Variants in SMC5 observed in about 807,000 individuals in gnomAD.
SMC5 encodes the protein structural maintenance of chromosomes protein 5.
SMC5 carries 88 observed loss-of-function variants against 148.3 expected under a neutral mutation model. The observed-to-expected ratio is 0.59, with a 90% CI of 0.50 to 0.71. The LOEUF is 0.71. Ranked by LOEUF, SMC5 falls within the 30% of genes least tolerant of loss-of-function variation. The probability of loss-of-function intolerance (pLI) is 0.00; values close to 1 mark genes in which losing one functional copy is unlikely to be tolerated. For synonymous variants in SMC5, 421 were observed against 432.8 expected (o/e 0.97, Z 0.34); for missense variants, 1,142 against 1,298.9 (o/e 0.88, Z 1.86).
chr9:70,313,688 C>T lies in SMC5; in HGVS notation c.1579-1054C>T, dbSNP rs546362322. 2.2e-4 allele frequency among the ~76,000 whole-genome samples: 33 copies of T among 152,142 alleles called. No individual in the cohort carries two copies. In the South Asian group the frequency reaches 4.8e-3, roughly 22 times the overall value. On this transcript the variant is annotated intron_variant, in intron 11 of 24. Transcript: ENST00000361138. ...AATTTTTTTGTATTTTTAGTAGAGACGGGCTTTCACCATGTTGGTCGGGCT... is the reference window on the plus strand; with the variant it reads ...AATTTTTTTGTATTTTTAGTAGAGATGGGCTTTCACCATGTTGGTCGGGCT...
intron 22 of SMC5, 28 bp downstream of exon 22, chr9:70,348,066 T>C: frequency 1.3e-6 from 2 of 1,511,062 alleles, no homozygotes; most frequent in Non-Finnish European, 1.8e-6. Flanking sequence ...ATAAATAATA[T>C]TTCTGGCAAA....
chr9:70,276,206 G>T (rs1181682441), intron 3 of SMC5, among the ~76,000 whole-genome samples: 2 of 152,328 alleles, frequency 1.3e-5, no homozygotes, highest in African/African-American at 4.8e-5. Flanking sequence ...ATATCGCTTA[G>T]ATATGGCTTT....
intron 8 of SMC5, among the ~76,000 whole-genome samples, chr9:70,288,829 G>T (rs1177227827): frequency 2.6e-5 from 4 of 151,906 alleles, no homozygotes; most frequent in East Asian, 3.9e-4. Context: ...CTTTTTTAAA[G>T]AATTTTTTGA....
intron 10 of SMC5, among the ~76,000 whole-genome samples, chr9:70,304,484 C>T (rs1436625796): frequency 2.6e-5 from 4 of 152,180 alleles, no homozygotes; most frequent in African/African-American, 4.8e-5. Flanking sequence ...GTCAGGAGTT[C>T]GAGACCAGCC....
intron 2 of SMC5, among the ~76,000 whole-genome samples, chr9:70,265,767 AT>A (rs2034273087): frequency 6.6e-6 from 1 of 152,216 alleles, no homozygotes; most frequent in Non-Finnish European, 1.5e-5. Context: ...TATTTTATAG[AT>A]AATAGTGGTC....
intron 1 of SMC5, among the ~76,000 whole-genome samples, chr9:70,262,956 C>T (rs1403091854): frequency 1.3e-5 from 2 of 149,148 alleles, no homozygotes; most frequent in African/African-American, 4.9e-5. Flanking sequence ...CGCCTACCCC[C>T]GCCAAAAAAA....
intron 8 of SMC5, among the ~76,000 whole-genome samples, chr9:70,293,489 T>C (rs2035118911): frequency 6.6e-6 from 1 of 152,110 alleles, no homozygotes. Flanking sequence ...TCCTGCCTGA[T>C]GTAGATGGGC....
Position 70,305,237 on chromosome 9 carries a change from G to A in SMC5, c.1465-10G>A. ...CATGAAATTCGACCTTTTTTTGCTT[G>A]TTTGTTTAGATCAATATGAAAGATA... On this transcript the variant is annotated splice_polypyrimidine_tract_variant and intron_variant, in intron 10 of 24. Coordinates refer to ENST00000361138, the MANE Select transcript of SMC5 (RefSeq NM_015110.4). 1 of 1,321,118 alleles carries A rather than the reference G, an allele frequency of 7.6e-7. No individual in the cohort carries two copies. Among genetic ancestry groups the A allele is most frequent in the Non-Finnish European group, 1.1e-6 (1 of 938,472 alleles). 81.8% of individuals were successfully genotyped at this position (1,321,118 alleles called of 1,614,324 possible). A position where few individuals can be genotyped will look rare whatever the true frequency, so the allele number is the denominator to read the frequency against.
chr9:70,323,994 T>A, intron 16 of SMC5, 27 bp from the exon 17 acceptor site: 1 of 1,501,728 alleles, frequency 6.7e-7, no homozygotes. Flanking sequence ...AACATAAAAA[T>A]TAACTCTTAG....
At position 70,318,822 on chromosome 9, in the gene SMC5, A is replaced by G. The variant is rs774497211; in HGVS notation, c.2009A>G (p.Asp670Gly). Residue 670 changes from aspartate to glycine, a missense_variant, in exon 15 of 25, where the codon GAT (aspartate) becomes GGT (glycine). Asp to Gly is a moderately conservative substitution (Grantham distance 94). Coordinates refer to ENST00000361138, the MANE Select transcript of SMC5 (RefSeq NM_015110.4). ...KEIHRKLQAV[D>G]SGLIALRETS... The stretch of plus-strand genomic sequence containing the variant: ...ATTCATAGAAAATTGCAAGCAGTGG[A>G]TTCAGGGTTGATTGCCTTACGTGAA... 2 of 1,594,092 alleles carry G rather than the reference A, an allele frequency of 1.3e-6. No homozygotes were observed. Among genetic ancestry groups the G allele is most frequent in the South Asian group, 1.2e-5 (1 of 85,290 alleles).
rs1472403728 is a variant in SMC5, at chr9:70,354,679, T to G, written c.*2348T>G. On this transcript the variant is annotated 3_prime_UTR_variant, in exon 25 of 25. Transcript: ENST00000361138. Reference sequence around the variant, plus strand: ...TGGAAAGAGTCTCTGTTAAAAGATTTTCCATATTCAAAGTAAAAGGAAAGA... The same window carrying G: ...TGGAAAGAGTCTCTGTTAAAAGATTGTCCATATTCAAAGTAAAAGGAAAGA... 6.6e-6 allele frequency: 1 copy of G among 152,214 alleles called. No homozygotes were observed. The highest frequency in any genetic ancestry group is 1.5e-5 in the Non-Finnish European group (1 of 68,036). 9.4% of individuals were successfully genotyped at this position (152,214 alleles called of 1,614,324 possible).
At chr9:70,338,558 G>T (rs2036427475) in intron 17 of SMC5, among the ~76,000 whole-genome samples, 1 of 151,988 alleles carries the variant, frequency 6.6e-6, no homozygotes, top group South Asian at 2.1e-4. Flanking sequence ...ATATTCTGCT[G>T]CAGAAATCTA....
intron 8 of SMC5, chr9:70,286,776 G>A (rs1408637866): frequency 6.8e-6 from 1 of 147,146 alleles, no homozygotes; most frequent in Non-Finnish European, 1.5e-5. Context: ...GAGTACAGTG[G>A]TGTGATCTTG....
Position 70,286,172 on chromosome 9 carries a change from C to T in SMC5, c.982-28C>T, listed in dbSNP as rs374565514. ...TTGCATGAGTTTTTAACTAGCTGTCCCCCCCTCTCCCCGGTTTAATTTTAC... is the reference window on the plus strand; with the variant it reads ...TTGCATGAGTTTTTAACTAGCTGTCTCCCCCTCTCCCCGGTTTAATTTTAC... On this transcript the variant is annotated intron_variant, in intron 7 of 24. Transcript: ENST00000361138. 4.8e-5 allele frequency: 62 copies of T among 1,292,558 alleles called. 5 individuals carry two copies. The highest frequency in any genetic ancestry group is 7.5e-5 in the African/African-American group (5 of 67,078). 80.1% of individuals were successfully genotyped at this position (1,292,558 alleles called of 1,614,324 possible). A position where few individuals can be genotyped will look rare whatever the true frequency, so the allele number is the denominator to read the frequency against.
chr9:70,346,457 C>A, intron 18 of SMC5, 148 bp from the exon 19 acceptor site: 1 of 789,668 alleles, frequency 1.3e-6, no homozygotes, highest in Non-Finnish European at 2.1e-6. Flanking sequence ...GGCATGGACT[C>A]AGAAGATAGT....
At chr9:70,347,282 G>A in intron 20 of SMC5, 121 bp downstream of exon 20, 1 of 671,100 alleles carries the variant, frequency 1.5e-6, no homozygotes, top group Non-Finnish European at 2.5e-6. Flanking sequence ...TAGAGCTCTT[G>A]GTAATAATAA....
rs2035468994 is a variant in SMC5, at chr9:70,305,354, C to T, written c.1572C>T (p.Leu524=). Residue 524 remains leucine (L), a synonymous_variant, in exon 11 of 25, where the codon CTC becomes CTT. Transcript: ENST00000361138. ...GTCAAGAAGATATGGAGGTTTTCCTCAAAGAGGCAAGTACTAACCAACACA... is the reference window on the plus strand; with the variant it reads ...GTCAAGAAGATATGGAGGTTTTCCTTAAAGAGGCAAGTACTAACCAACACA... ...FESQEDMEVF[L]KEVRDNKKLR... 1.3e-6 allele frequency: 2 copies of T among 1,569,108 alleles called. No individual in the cohort carries two copies. Among genetic ancestry groups the T allele is most frequent in the Non-Finnish European group, 1.7e-6 (2 of 1,143,352 alleles).
chr9:70,347,258 C>T (rs1363763836), intron 20 of SMC5, 97 bp downstream of exon 20: 14 of 904,612 alleles, frequency 1.5e-5, no homozygotes, highest in Non-Finnish European at 2.4e-5. Context: ...CAGTACTTGC[C>T]TCCCACTCTG....
Position 70,279,748 on chromosome 9 carries a change from C to CGGAGGTTG in SMC5, c.679-1010_679-1003dup, listed in dbSNP as rs2034697329. Among the ~76,000 whole-genome samples, 3 of 135,566 alleles carry CGGAGGTTG rather than the reference C, an allele frequency of 2.2e-5. No homozygotes were observed. In the South Asian group the frequency reaches 7.2e-4, roughly 32 times the overall value. The allele number at this position is 135,566 out of a possible 152,430, so 88.9% of individuals were successfully genotyped here. On this transcript the variant is annotated intron_variant, in intron 5 of 24. Coordinates refer to ENST00000361138, the MANE Select transcript of SMC5 (RefSeq NM_015110.4). Reference sequence around the variant, plus strand: ...AGGAGAATCGTTTGAACCTGGGAGGCGGAGGTTGTAGTGAGCCGAGAACAC... The same window carrying CGGAGGTTG: ...AGGAGAATCGTTTGAACCTGGGAGGCGGAGGTTGGGAGGTTGTAGTGAGCCGAGAACAC...
Sources: allele counts gnomAD v4.1 joint callset (sites outside exome capture counted in the v4.1 genomes callset), GRCh38; gene constraint gnomAD v4.1.1; transcripts MANE v1.5; gene names NCBI Gene and HGNC (gene_info 2026-07-23, HGNC 2026-07-21).